SLC25A26: variants seen among roughly 807,000 people sequenced by gnomAD.
SLC25A26 encodes the protein mitochondrial S-adenosylmethionine carrier protein.
In SLC25A26, 36 loss-of-function variants were observed where a neutral mutation model predicts 37.8. That is an observed-to-expected ratio of 0.95 (90% CI 0.73 to 1.26). SLC25A26 has a LOEUF of 1.26. Ranked by LOEUF, SLC25A26 falls within the 50% of genes most tolerant of loss-of-function variation. The pLI, the probability that SLC25A26 is intolerant of heterozygous loss-of-function variation, is 0.00. For missense variants in SLC25A26, 390 were observed against 331.1 expected, an observed-to-expected ratio of 1.18 and a Z score of -1.38; for synonymous variants, 129 against 122.5, an observed-to-expected ratio of 1.05 and a Z score of -0.35.
At chr3:66,252,282 T>C (rs1418072074) in intron 3 of SLC25A26, among the ~76,000 whole-genome samples, 1 of 152,232 alleles carries the variant, frequency 6.6e-6, no homozygotes, top group African/African-American at 2.4e-5. Flanking sequence ...CTTTTCAATA[T>C]TTGAGTTGTA....
At chr3:66,362,111 G>A (rs913632024) in intron 6 of SLC25A26, among the ~76,000 whole-genome samples, 11 of 152,158 alleles carry the variant, frequency 7.2e-5, no homozygotes, top group African/African-American at 2.7e-4. Flanking sequence ...TGGTACAATC[G>A]CTTTGGAAAA....
chr3:66,243,065 A>G (rs797038633), intron 2 of SLC25A26, 138 bp from the exon 3 acceptor site: 18 of 544,220 alleles, frequency 3.3e-5, no homozygotes, highest in African/African-American at 3.1e-4. Context: ...GGGGGTAGGA[A>G]GAAAAGATAT....
intron 3 of SLC25A26, among the ~76,000 whole-genome samples, chr3:66,258,374 G>T (rs1480156623): frequency 6.6e-6 from 1 of 152,154 alleles, no homozygotes; most frequent in African/African-American, 2.4e-5. Flanking sequence ...AGGATAGGAA[G>T]AGCCTGGCAT....
chr3:66,245,547 T>C (rs576662658), intron 3 of SLC25A26, among the ~76,000 whole-genome samples: 1 of 152,212 alleles, frequency 6.6e-6, no homozygotes, highest in African/African-American at 2.4e-5. Context: ...TTCTTTGTAA[T>C]TAGAAAAGTA....
In SLC25A26 at chr3:66,161,194, G is replaced by C. The variant is rs138332642; in HGVS notation, c.-354+27210G>C. Among the ~76,000 whole-genome samples the C allele has an allele frequency of 1.2e-3, 182 of 151,996 alleles. 2 individuals are homozygous for C. Among genetic ancestry groups the C allele is most frequent in the African/African-American group, 4.3e-3 (180 of 41,452 alleles). ...AAAAAAAAGAACTTCTTTAATCTTG[G>C]ACTTGTTTCTTGAAACTGTCAATTT... On this transcript the variant is annotated intron_variant, in intron 1 of 10. Coordinates refer to the SLC25A26 transcript ENST00000676754.
At chr3:66,250,104 C>G (rs1205734909) in intron 3 of SLC25A26, among the ~76,000 whole-genome samples, 2 of 152,236 alleles carry the variant, frequency 1.3e-5, no homozygotes, top group African/African-American at 4.8e-5. Flanking sequence ...AAAAAATTAT[C>G]TCAACCATAT....
intron 1 of SLC25A26, among the ~76,000 whole-genome samples, chr3:66,212,851 A>G (rs2071303012): frequency 6.6e-6 from 1 of 152,168 alleles, no homozygotes; most frequent in Non-Finnish European, 1.5e-5. Context: ...ATACTCTACC[A>G]TATGTATAAA....
At chr3:66,351,956 G>T (rs1018511543) in intron 6 of SLC25A26, among the ~76,000 whole-genome samples, 4 of 151,998 alleles carry the variant, frequency 2.6e-5, no homozygotes, top group African/African-American at 9.7e-5. Flanking sequence ...ATCTTTTAAA[G>T]AAATGAATTA....
intron 1 of SLC25A26, among the ~76,000 whole-genome samples, chr3:66,202,793 G>T (rs2071128123): frequency 6.6e-6 from 1 of 152,168 alleles, no homozygotes; most frequent in Admixed American, 6.5e-5. Context: ...GTTACACTGG[G>T]TTCACCACTT....
intron 2 of SLC25A26, 100 bp from the exon 3 acceptor site, chr3:66,243,103 T>C (rs2072658825): frequency 1.6e-6 from 1 of 640,938 alleles, no homozygotes; most frequent in Non-Finnish European, 2.8e-6. Flanking sequence ...TCTTATCTCA[T>C]AATTTAATAA....
intron 1 of SLC25A26, among the ~76,000 whole-genome samples, chr3:66,176,017 A>T (rs2070581324): frequency 1.1e-5 from 1 of 92,680 alleles, no homozygotes; most frequent in South Asian, 3.4e-4. Flanking sequence ...TGTTAAATTA[A>T]AAAAAAAATT....
chr3:66,375,013 A>G (rs965531239), intron 9 of SLC25A26, among the ~76,000 whole-genome samples: 1 of 152,236 alleles, frequency 6.6e-6, no homozygotes, highest in African/African-American at 2.4e-5. Flanking sequence ...GCAAAGGAAA[A>G]GTTCTTGAAG....
chr3:66,173,447 G>C (rs2070529327), intron 1 of SLC25A26, among the ~76,000 whole-genome samples: 1 of 152,192 alleles, frequency 6.6e-6, no homozygotes, highest in Non-Finnish European at 1.5e-5. Flanking sequence ...ATGCTGTTCT[G>C]CTAGCTTGGT....
At chr3:66,333,394 C>G (rs1008429058) in intron 5 of SLC25A26, among the ~76,000 whole-genome samples, 1 of 152,130 alleles carries the variant, frequency 6.6e-6, no homozygotes, top group African/African-American at 2.4e-5. Context: ...AAATTTGGAT[C>G]TTCGTCATGA....
chr3:66,325,773 A>G (rs1041865975), intron 5 of SLC25A26, among the ~76,000 whole-genome samples: 2 of 152,228 alleles, frequency 1.3e-5, no homozygotes, highest in East Asian at 3.8e-4. Context: ...CTCCAAGACC[A>G]TGGAAGGACA....
chr3:66,311,812 C>A (rs192526518), intron 5 of SLC25A26, among the ~76,000 whole-genome samples: 1 of 152,274 alleles, frequency 6.6e-6, no homozygotes, highest in East Asian at 1.9e-4. Flanking sequence ...CTGGGTATCA[C>A]CACCAGAGGC....
At chr3:66,305,641 G>A (rs1341571895) in intron 5 of SLC25A26, among the ~76,000 whole-genome samples, 1 of 151,920 alleles carries the variant, frequency 6.6e-6, no homozygotes, top group African/African-American at 2.4e-5. Context: ...AGGCCCCAGA[G>A]TGTGTTGTTT....
At chr3:66,295,541 A>G (rs2074872165) in intron 5 of SLC25A26, among the ~76,000 whole-genome samples, 1 of 151,708 alleles carries the variant, frequency 6.6e-6, no homozygotes, top group African/African-American at 2.4e-5. Context: ...AGCTGGGACT[A>G]CAGGTGCCCA....
chr3:66,367,766 AAAGTATATTT>A (rs2076857881), intron 7 of SLC25A26, among the ~76,000 whole-genome samples: 1 of 152,092 alleles, frequency 6.6e-6, no homozygotes, highest in South Asian at 2.1e-4. Flanking sequence ...TATGTAACTA[AAAGTATATTT>A]ACTTTTCCAG....
Sources: allele counts gnomAD v4.1 joint callset (sites outside exome capture counted in the v4.1 genomes callset), GRCh38; gene constraint gnomAD v4.1.1; transcripts MANE v1.5; gene names NCBI Gene and HGNC (gene_info 2026-07-23, HGNC 2026-07-21).